Variants in EFCAB11 observed in about 807,000 individuals in gnomAD.
EFCAB11 encodes EF-hand calcium-binding domain-containing protein 11.
A neutral mutation model predicts 23.0 loss-of-function variants in EFCAB11; 14 were observed. That is an observed-to-expected ratio of 0.61 (90% CI 0.40 to 0.95). The LOEUF is 0.95. Ranked by LOEUF, EFCAB11 falls within the 40% of genes least tolerant of loss-of-function variation. The probability of loss-of-function intolerance (pLI) is 0.00; values close to 1 mark genes in which losing one functional copy is unlikely to be tolerated. For synonymous variants in EFCAB11, 65 were observed against 66.6 expected (o/e 0.98, Z 0.11); for missense variants, 198 against 195.8 (o/e 1.01, Z -0.07).
chr14:89,901,702 TATATA>T (rs1889342797), intron 5 of EFCAB11, among the ~76,000 whole-genome samples: 1 of 152,174 alleles, frequency 6.6e-6, no homozygotes, highest in Admixed American at 6.5e-5. Flanking sequence ...GGGACATAAA[TATATA>T]ATACAATATA....
chr14:89,912,934 G>A (rs1354807625), intron 5 of EFCAB11, among the ~76,000 whole-genome samples: 3 of 152,190 alleles, frequency 2.0e-5, no homozygotes, highest in Non-Finnish European at 4.4e-5. Context: ...TTCTGCTGTG[G>A]GCTGTACTCA....
chr14:89,931,552 A>C lies in EFCAB11; in HGVS notation c.399T>G (p.Leu133=). The change falls in exon 5 of 6, where the codon CTT becomes CTG. Residue 133 remains leucine, a synonymous_variant. Coordinates refer to ENST00000316738, the MANE Select transcript of EFCAB11 (RefSeq NM_145231.4). ...TTTTGATGCCTTACCTGAATACCTC[A>C]AGAACAGTCCTTTCCGGTAATTTGG... ...VAPKLPERTV[L]EVFREVDRDS... is the part of the protein sequence containing the mutation. The C allele has an allele frequency of 6.2e-7, 1 of 1,614,072 alleles. No individual in the cohort carries two copies. The highest frequency in any genetic ancestry group is 8.5e-7 in the Non-Finnish European group (1 of 1,179,962).
intron 1 of EFCAB11, chr14:89,954,356 A>G (rs1230474584): frequency 6.5e-7 from 1 of 1,536,166 alleles, no homozygotes. Context: ...CAAGGTTACC[A>G]TTAATAGACT....
rs914944407 is a variant in EFCAB11, at chr14:89,954,662, G to A, written c.-2C>T. On this transcript the variant is annotated 5_prime_UTR_variant, in exon 1 of 6. Coordinates refer to ENST00000316738, the MANE Select transcript of EFCAB11 (RefSeq NM_145231.4). ...GGCTCTGGCCTCGGAGAAGAACATC[G>A]CGACTACAACAACCGAGCCCCAGCA... is the stretch of plus-strand genomic sequence containing the variant. The A allele has an allele frequency of 5.6e-6, 9 of 1,611,096 alleles. No individual in the cohort carries two copies. Among genetic ancestry groups the A allele is most frequent in the African/African-American group, 4.0e-5 (3 of 74,834 alleles).
At chr14:89,944,170 C>A (rs1890886530) in intron 3 of EFCAB11, among the ~76,000 whole-genome samples, 1 of 152,218 alleles carries the variant, frequency 6.6e-6, no homozygotes, top group Non-Finnish European at 1.5e-5. Context: ...TACAGTTCCA[C>A]ACGGCTGGGG....
At chr14:89,861,493 T>G (rs1301934712) in intron 5 of EFCAB11, among the ~76,000 whole-genome samples, 4 of 152,234 alleles carry the variant, frequency 2.6e-5, no homozygotes, top group Non-Finnish European at 5.9e-5. Flanking sequence ...TTTCTCATCA[T>G]GTCCCTTCCT....
intron 5 of EFCAB11, among the ~76,000 whole-genome samples, chr14:89,880,001 CCT>C (rs951388255): frequency 6.6e-6 from 1 of 152,154 alleles, no homozygotes; most frequent in Admixed American, 6.6e-5. Context: ...ATTGGTATAT[CCT>C]CTTTTAAGAT....
chr14:89,932,001 G>A (rs1257640395), intron 4 of EFCAB11, among the ~76,000 whole-genome samples: 4 of 149,230 alleles, frequency 2.7e-5, no homozygotes, highest in African/African-American at 1.0e-4. Context: ...TTTCCTTTGC[G>A]TGGTATTAGA....
intron 5 of EFCAB11, among the ~76,000 whole-genome samples, chr14:89,859,839 C>T (rs1887866363): frequency 6.6e-6 from 1 of 152,172 alleles, no homozygotes; most frequent in Non-Finnish European, 1.5e-5. Context: ...TCATACCATG[C>T]AGTAGGCTTG....
intron 3 of EFCAB11, among the ~76,000 whole-genome samples, chr14:89,935,445 A>G (rs1890547577): frequency 7.2e-6 from 1 of 139,352 alleles, no homozygotes; most frequent in African/African-American, 2.6e-5. Context: ...TCTCTTGCCC[A>G]GGCTGGAGTG....
At chr14:89,878,140 G>A (rs896444605) in intron 5 of EFCAB11, among the ~76,000 whole-genome samples, 2 of 152,168 alleles carry the variant, frequency 1.3e-5, no homozygotes, top group African/African-American at 2.4e-5. Flanking sequence ...AAAAATTCTA[G>A]CTTGCAGGTG....
intron 5 of EFCAB11, among the ~76,000 whole-genome samples, chr14:89,817,493 C>T (rs965319197): frequency 6.6e-6 from 1 of 152,030 alleles, no homozygotes; most frequent in African/African-American, 2.4e-5. Flanking sequence ...TGCATTCTAG[C>T]CTGGGTGATA....
chr14:89,854,706 C>A (rs1025624417), intron 5 of EFCAB11, among the ~76,000 whole-genome samples: 26 of 152,130 alleles, frequency 1.7e-4, no homozygotes, highest in Admixed American at 1.7e-3. Context: ...GAACCCCACA[C>A]CTGCTCCTCC....
intron 5 of EFCAB11, among the ~76,000 whole-genome samples, chr14:89,868,007 C>T (rs572642515): frequency 6.6e-6 from 1 of 152,308 alleles, no homozygotes; most frequent in Admixed American, 6.5e-5. Flanking sequence ...CATGGGCGAA[C>T]CTGGAAAATT....
chr14:89,812,634 T>G (rs1276456147), intron 5 of EFCAB11, among the ~76,000 whole-genome samples: 1 of 152,152 alleles, frequency 6.6e-6, no homozygotes, highest in Admixed American at 6.5e-5. Flanking sequence ...TCACCTTGTA[T>G]GTAAAAGGAA....
Position 89,864,693 on chromosome 14 carries a change from C to G in EFCAB11, c.410+66848G>C, listed in dbSNP as rs531664954. 2.6e-5 allele frequency among the ~76,000 whole-genome samples: 4 copies of G among 152,334 alleles called. No individual in the cohort carries two copies. In the East Asian group the frequency reaches 7.7e-4, roughly 29 times the overall value. Reference sequence around the variant, plus strand: ...GCCTCAAGTGATCTGCCTGCCTTGGCCTCCCAAAGTGCTGGGATTACAGGC... The same window carrying G: ...GCCTCAAGTGATCTGCCTGCCTTGGGCTCCCAAAGTGCTGGGATTACAGGC... On this transcript the variant is annotated intron_variant, in intron 5 of 5. Transcript: ENST00000316738.
chr14:89,828,405 T>C lies in EFCAB11; in HGVS notation c.411-31081A>G, dbSNP rs531860024. On this transcript the variant is annotated intron_variant, in intron 5 of 5. Transcript: ENST00000316738. Reference sequence around the variant, plus strand: ...GGTGAAACAAGCTTCACTGGACTTTTTTTCGTGAGAAAATACTTTTCTGAG... The same window carrying C: ...GGTGAAACAAGCTTCACTGGACTTTCTTTCGTGAGAAAATACTTTTCTGAG... Among the ~76,000 whole-genome samples, 17 of 152,318 alleles carry C rather than the reference T, an allele frequency of 1.1e-4. No individual in the cohort carries two copies. In the South Asian group the frequency reaches 3.5e-3, roughly 32 times the overall value.
intron 5 of EFCAB11, among the ~76,000 whole-genome samples, chr14:89,922,611 G>A (rs1335385182): frequency 1.3e-5 from 2 of 152,026 alleles, no homozygotes; most frequent in South Asian, 2.1e-4. Context: ...ACAAATAATA[G>A]TAATAAAAAG....
chr14:89,817,264 C>T (rs904231774), intron 5 of EFCAB11, among the ~76,000 whole-genome samples: 2 of 152,044 alleles, frequency 1.3e-5, no homozygotes, highest in African/African-American at 4.8e-5. Flanking sequence ...ACCTGTAACC[C>T]CAGTGCTTTG....
Sources: allele counts gnomAD v4.1 joint callset (sites outside exome capture counted in the v4.1 genomes callset), GRCh38; gene constraint gnomAD v4.1.1; transcripts MANE v1.5; gene names NCBI Gene and HGNC (gene_info 2026-07-23, HGNC 2026-07-21).